The following DENND2B variants were observed in gnomAD, a reference collection of about 807,000 sequenced individuals.
DENND2B encodes the protein DENN domain containing 2B.
Under a neutral mutation model 116.0 loss-of-function variants are expected in DENND2B, and 32 were observed. The observed-to-expected ratio is 0.28, with a 90% CI of 0.21 to 0.37. The LOEUF (loss-of-function observed/expected upper bound fraction) is 0.37. Among genes scored for constraint, DENND2B ranks in the 10% least tolerant of loss-of-function variants. The pLI, the probability that DENND2B is intolerant of heterozygous loss-of-function variation, is 1.00. For missense variants in DENND2B, 1,276 were observed against 1,477.7 expected (o/e 0.86, Z 2.24); for synonymous variants, 588 against 583.9 (o/e 1.01, Z -0.10).
At chr11:8,725,134 A>T (rs1344429310) in intron 4 of DENND2B, among the ~76,000 whole-genome samples, 1 of 152,170 alleles carries the variant, frequency 6.6e-6, no homozygotes, top group African/African-American at 2.4e-5. Context: ...CAATAGACTG[A>T]ATGTTTCTGT....
intron 1 of DENND2B, among the ~76,000 whole-genome samples, chr11:8,764,766 G>A (rs2055323199): frequency 6.6e-6 from 1 of 152,064 alleles, no homozygotes; most frequent in Non-Finnish European, 1.5e-5. Flanking sequence ...CCAACATGGT[G>A]AAGTCCTGTC....
chr11:8,821,851 G>A (rs1213934310), intron 4 of DENND2B, among the ~76,000 whole-genome samples: 5 of 152,166 alleles, frequency 3.3e-5, no homozygotes, highest in South Asian at 2.1e-4. Context: ...GAGTGGAGTG[G>A]CAAGATCTTG....
intron 14 of DENND2B, among the ~76,000 whole-genome samples, chr11:8,700,876 C>T (rs1232808750): frequency 1.3e-5 from 2 of 152,012 alleles, no homozygotes; most frequent in Admixed American, 6.6e-5. Context: ...GGCTGGAGTG[C>T]AGTGGCACAA....
chr11:8,896,252 T>C (rs549020815), intron 1 of DENND2B, among the ~76,000 whole-genome samples: 50 of 152,000 alleles, frequency 3.3e-4, no homozygotes, highest in Non-Finnish European at 6.2e-4. Flanking sequence ...TTAATAAATG[T>C]CCATGGAACA....
At chr11:8,797,744 C>T (rs553562470) in intron 1 of DENND2B, among the ~76,000 whole-genome samples, 1 of 152,150 alleles carries the variant, frequency 6.6e-6, no homozygotes, top group East Asian at 1.9e-4. Flanking sequence ...GCCACCATGC[C>T]CAGCACCCTA....
At chr11:8,827,132 GA>G (rs2062009458) in intron 4 of DENND2B, among the ~76,000 whole-genome samples, 1 of 152,232 alleles carries the variant, frequency 6.6e-6, no homozygotes, top group African/African-American at 2.4e-5. Context: ...GAATTTGCAG[GA>G]AAGAAAGAAT....
In DENND2B at chr11:8,878,882, G is replaced by A. The variant is rs1207705385; in HGVS notation, c.-156+2128C>T. On this transcript the variant is annotated intron_variant, in intron 2 of 22. Transcript: ENST00000534127. ...AGATAAATGGTTGCCAGGGCTCCGG[G>A]GGAGAAAGAAATGGGAGGTAACTGC... Among the ~76,000 whole-genome samples the A allele has an allele frequency of 2.6e-5, 4 of 152,138 alleles. No homozygotes were observed. The East Asian group carries it at 7.7e-4, about 29-fold the overall frequency.
upstream of DENND2B, chr11:8,811,399 A>G (rs2061366870): frequency 2.5e-6 from 1 of 398,430 alleles, no homozygotes; most frequent in Non-Finnish European, 4.4e-6. Context: ...GTCGAGAGTC[A>G]CAACCCAGAC....
At chr11:8,850,957 T>C (rs758410775) in intron 3 of DENND2B, among the ~76,000 whole-genome samples, 9 of 152,170 alleles carry the variant, frequency 5.9e-5, no homozygotes, top group Non-Finnish European at 1.2e-4. Context: ...ATCTCACTTA[T>C]ATGCCGAATC....
chr11:8,718,612 C>A, intron 4 of DENND2B: 1 of 1,340,096 alleles, frequency 7.5e-7, no homozygotes, highest in Non-Finnish European at 9.5e-7. Flanking sequence ...CAACACTCCC[C>A]TTTTGGAACA....
At chr11:8,842,546 A>C (rs1258042134) in intron 3 of DENND2B, among the ~76,000 whole-genome samples, 4 of 152,070 alleles carry the variant, frequency 2.6e-5, no homozygotes. Flanking sequence ...TGTGGTATCG[A>C]CTCGACCCTT....
chr11:8,866,694 G>C (rs1452706758), intron 2 of DENND2B, among the ~76,000 whole-genome samples: 1 of 152,198 alleles, frequency 6.6e-6, no homozygotes, highest in Non-Finnish European at 1.5e-5. Flanking sequence ...GGAAAACTGA[G>C]CTCAGAGATC....
intron 1 of DENND2B, among the ~76,000 whole-genome samples, chr11:8,764,561 G>A (rs1459755756): frequency 6.6e-6 from 1 of 152,154 alleles, no homozygotes; most frequent in Non-Finnish European, 1.5e-5. Context: ...TTGGCATGAG[G>A]CTCTAGAAGT....
intron 13 of DENND2B, among the ~76,000 whole-genome samples, chr11:8,706,481 C>T (rs983066907): frequency 4.6e-5 from 7 of 151,850 alleles, no homozygotes; most frequent in African/African-American, 1.7e-4. Context: ...AATCTTCTCC[C>T]GTTCATATCC....
chr11:8,736,285 A>G (rs927354962), intron 2 of DENND2B, among the ~76,000 whole-genome samples: 14 of 152,254 alleles, frequency 9.2e-5, no homozygotes, highest in Non-Finnish European at 1.6e-4. Context: ...TGGGAGGTCA[A>G]GGCTGCAGCA....
At chr11:8,895,101 G>C (rs1409359887) in intron 1 of DENND2B, among the ~76,000 whole-genome samples, 1 of 152,130 alleles carries the variant, frequency 6.6e-6, no homozygotes, top group Non-Finnish European at 1.5e-5. Context: ...CCTTTGTAGG[G>C]ACACGGATGA....
At chr11:8,909,086 C>T (rs936681063) in intron 1 of DENND2B, among the ~76,000 whole-genome samples, 7 of 152,204 alleles carry the variant, frequency 4.6e-5, no homozygotes, top group Middle Eastern at 3.4e-3. Context: ...CCTCAAGAAG[C>T]TCAGTCTAAA....
intron 2 of DENND2B, among the ~76,000 whole-genome samples, chr11:8,870,099 C>T (rs906515608): frequency 6.6e-6 from 1 of 152,168 alleles, no homozygotes; most frequent in Non-Finnish European, 1.5e-5. Context: ...GACCTCTTTG[C>T]CATTCCCAAG....
At chr11:8,813,899 G>A (rs1226887212), upstream of DENND2B, among the ~76,000 whole-genome samples, 1 of 152,134 alleles carries the variant, frequency 6.6e-6, no homozygotes, top group East Asian at 1.9e-4. Context: ...CTTGAACTGG[G>A]CAGAGTCAGG....
Sources: gnomAD v4.1 joint callset for allele counts (sites outside exome capture counted in the v4.1 genomes callset) on GRCh38, gnomAD v4.1.1 for gene constraint, MANE v1.5 for transcripts, NCBI Gene and HGNC (gene_info 2026-07-23, HGNC 2026-07-21) for gene names.